CHCHD6: variants seen among roughly 807,000 people sequenced by gnomAD.
CHCHD6 encodes MICOS complex subunit MIC25.
In CHCHD6, 28 loss-of-function variants were observed where a neutral mutation model predicts 32.3. That is an observed-to-expected ratio of 0.87 (90% CI 0.64 to 1.19). CHCHD6 has a LOEUF of 1.19. Ranked by LOEUF, CHCHD6 falls within the 50% of genes most tolerant of loss-of-function variation. The pLI is 0.00. For missense variants in CHCHD6, 333 were observed against 307.0 expected (o/e 1.08, Z -0.63); for synonymous variants, 122 against 117.5 (o/e 1.04, Z -0.25).
chr3:126,877,663 T>A (rs2077556737), intron 5 of CHCHD6, among the ~76,000 whole-genome samples: 1 of 151,916 alleles, frequency 6.6e-6, no homozygotes, highest in Non-Finnish European at 1.5e-5. Context: ...AGGAAAAAAG[T>A]TAGGTTAGGT....
chr3:126,785,607 A>G (rs527531025), intron 4 of CHCHD6, among the ~76,000 whole-genome samples: 1 of 152,346 alleles, frequency 6.6e-6, no homozygotes, highest in East Asian at 1.9e-4. Flanking sequence ...AATTTACATA[A>G]TATAAAATTA....
intron 4 of CHCHD6, chr3:126,766,881 G>A (rs1937390164): frequency 1.0e-6 from 1 of 976,912 alleles, no homozygotes. Context: ...CCAGGTGGGG[G>A]ACCATCTCAT....
chr3:126,805,813 T>A (rs1278642824), intron 4 of CHCHD6, among the ~76,000 whole-genome samples: 2 of 152,182 alleles, frequency 1.3e-5, no homozygotes, highest in African/African-American at 2.4e-5. Context: ...ACTACAAGGC[T>A]ACAGTAACCA....
intron 2 of CHCHD6, among the ~76,000 whole-genome samples, chr3:126,728,993 A>G (rs1389348964): frequency 6.6e-6 from 1 of 152,076 alleles, no homozygotes; most frequent in African/African-American, 2.4e-5. Context: ...TTAGAAAAAG[A>G]AATTAAAATT....
At chr3:126,721,503 G>T (rs1182046794) in intron 1 of CHCHD6, among the ~76,000 whole-genome samples, 5 of 152,150 alleles carry the variant, frequency 3.3e-5, no homozygotes, top group African/African-American at 1.2e-4. Flanking sequence ...CCCTCCTTGT[G>T]CTGTTCTCAT....
intron 5 of CHCHD6, among the ~76,000 whole-genome samples, chr3:126,866,820 C>T (rs953789491): frequency 1.3e-5 from 2 of 152,188 alleles, no homozygotes; most frequent in Admixed American, 6.5e-5. Context: ...TTTCCCCCTA[C>T]GTACTTCAAT....
At chr3:126,865,952 C>T (rs1942275010) in intron 5 of CHCHD6, among the ~76,000 whole-genome samples, 1 of 152,136 alleles carries the variant, frequency 6.6e-6, no homozygotes, top group Non-Finnish European at 1.5e-5. Flanking sequence ...TGGCTGCACA[C>T]CTGCGCTTTG....
chr3:126,722,253 T>C (rs1368984958), intron 1 of CHCHD6, among the ~76,000 whole-genome samples: 2 of 152,196 alleles, frequency 1.3e-5, no homozygotes, highest in Non-Finnish European at 2.9e-5. Flanking sequence ...CTTCCTGGGC[T>C]CAAGCAATCC....
intron 5 of CHCHD6, among the ~76,000 whole-genome samples, chr3:126,881,136 G>A (rs1292412240): frequency 8.5e-5 from 13 of 152,256 alleles, no homozygotes; most frequent in Admixed American, 7.8e-4. Flanking sequence ...TGCCAAGCCC[G>A]CATATGGGCT....
intron 6 of CHCHD6, among the ~76,000 whole-genome samples, chr3:126,919,298 A>C (rs1685490875): frequency 7.6e-6 from 1 of 132,038 alleles, no homozygotes; most frequent in Admixed American, 8.1e-5. Context: ...TTTTTTTTCT[A>C]CTATTTCTTT....
chr3:126,907,063 A>G (rs2078018458), intron 5 of CHCHD6, among the ~76,000 whole-genome samples: 1 of 152,194 alleles, frequency 6.6e-6, no homozygotes, highest in African/African-American at 2.4e-5. Flanking sequence ...TCAGGTGGAA[A>G]CACGGTCATC....
At chr3:126,858,618 C>T (rs1263775453) in intron 5 of CHCHD6, among the ~76,000 whole-genome samples, 1 of 152,200 alleles carries the variant, frequency 6.6e-6, no homozygotes, top group African/African-American at 2.4e-5. Flanking sequence ...GTTTGCCTCG[C>T]CTCCTCGTGT....
Position 126,733,166 on chromosome 3 carries a change from T to C in CHCHD6, c.355T>C (p.Ser119Pro). The change falls in exon 4 of 8, where the codon TCC becomes CCC. Residue 119 changes from serine (S) to proline (P), a missense_variant. Transcript: ENST00000290913. ...GGCTGCCACCAAGCACTCCAAGGCA[T>C]CCCTGCCCACGGGCGAAGGCAGCAT... The part of the protein sequence containing the change: ...REAATKHSKA[S>P]LPTGEGSISH... The C allele has an allele frequency of 6.2e-7, 1 of 1,614,160 alleles. No homozygotes were observed. The highest frequency in any genetic ancestry group is 8.5e-7 in the Non-Finnish European group (1 of 1,180,030).
At chr3:126,909,899 G>A (rs958335739) in intron 5 of CHCHD6, among the ~76,000 whole-genome samples, 2 of 152,196 alleles carry the variant, frequency 1.3e-5, no homozygotes, top group Admixed American at 1.3e-4. Flanking sequence ...TGTGCTGCAG[G>A]GTTCCAGGAG....
At chr3:126,800,158 A>G (rs1037460893) in intron 4 of CHCHD6, among the ~76,000 whole-genome samples, 11 of 152,144 alleles carry the variant, frequency 7.2e-5, no homozygotes, top group African/African-American at 2.7e-4. Context: ...TAAAATTGTG[A>G]TATATATTAT....
chr3:126,897,543 A>G (rs1001978373), intron 5 of CHCHD6, among the ~76,000 whole-genome samples: 5 of 152,170 alleles, frequency 3.3e-5, no homozygotes, highest in African/African-American at 1.2e-4. Context: ...TAGGCAGTTC[A>G]TGGTTTTGGG....
chr3:126,864,285 T>G (rs1324893627), intron 5 of CHCHD6, among the ~76,000 whole-genome samples: 2 of 141,592 alleles, frequency 1.4e-5, no homozygotes, highest in Non-Finnish European at 3.1e-5. Flanking sequence ...CACCTCCTCC[T>G]CCATCACCAC....
At chr3:126,734,320 A>G (rs1935944504) in intron 4 of CHCHD6, among the ~76,000 whole-genome samples, 1 of 152,238 alleles carries the variant, frequency 6.6e-6, no homozygotes, top group East Asian at 1.9e-4. Flanking sequence ...GCATCTAATA[A>G]CATCTGCTGG....
At chr3:126,805,081 C>T (rs921449118) in intron 4 of CHCHD6, among the ~76,000 whole-genome samples, 2 of 152,058 alleles carry the variant, frequency 1.3e-5, no homozygotes, top group African/African-American at 4.8e-5. Context: ...ATGACAAACC[C>T]ACAGCCAATA....
Sources: allele counts gnomAD v4.1 joint callset (sites outside exome capture counted in the v4.1 genomes callset), GRCh38; gene constraint gnomAD v4.1.1; transcripts MANE v1.5; gene names NCBI Gene and HGNC (gene_info 2026-07-23, HGNC 2026-07-21).